MCMDC2: variants seen among roughly 807,000 people sequenced by gnomAD.
MCMDC2 encodes minichromosome maintenance domain-containing protein 2.
Under a neutral mutation model 75.8 loss-of-function variants are expected in MCMDC2, and 54 were observed. The ratio of observed to expected loss-of-function variants is 0.71; its 90% CI spans 0.57 to 0.89. The LOEUF (loss-of-function observed/expected upper bound fraction) is 0.89. Ranked by LOEUF, MCMDC2 falls within the 40% of genes least tolerant of loss-of-function variation. The pLI is 0.00. For synonymous variants in MCMDC2, 249 were observed against 274.6 expected (o/e 0.91, Z 0.92); for missense variants, 656 against 780.4 (o/e 0.84, Z 1.90).
chr8:66,907,862 T>A (rs1028917956), intron 14 of MCMDC2, among the ~76,000 whole-genome samples: 1 of 151,954 alleles, frequency 6.6e-6, no homozygotes, highest in African/African-American at 2.4e-5. Flanking sequence ...GTTGGCTGCA[T>A]AAATGTCTTT....
chr8:66,904,128 A>G (rs1812812444), intron 13 of MCMDC2, among the ~76,000 whole-genome samples: 2 of 152,186 alleles, frequency 1.3e-5, no homozygotes, highest in African/African-American at 4.8e-5. Flanking sequence ...TAGAATATAT[A>G]TCAAGAGCAA....
rs374611966 is a variant in MCMDC2 at position 66,909,879 on chromosome 8, C to T, written c.1879+4544C>T. On this transcript the variant is annotated intron_variant, in intron 14 of 14. Transcript: ENST00000422365. ...CATGTCAGAGGTCTTCACAGCAGCC[C>T]CTCCCCTCATAGTCCCAGAGGCCTA... Among the ~76,000 whole-genome samples the T allele has an allele frequency of 2.6e-5, 4 of 152,156 alleles. No individual in the cohort carries two copies. In the South Asian group the frequency reaches 6.2e-4, roughly 24 times the overall value.
intron 7 of MCMDC2, among the ~76,000 whole-genome samples, chr8:66,879,308 G>C (rs1445752425): frequency 6.6e-6 from 1 of 151,836 alleles, no homozygotes; most frequent in East Asian, 1.9e-4. Flanking sequence ...TAAATGAAAA[G>C]CTGGCCAGGC....
downstream of MCMDC2, among the ~76,000 whole-genome samples, chr8:66,924,511 T>G (rs1213203047): frequency 1.3e-5 from 2 of 151,512 alleles, no homozygotes; most frequent in Non-Finnish European, 2.9e-5. Flanking sequence ...GGCAGGCGCC[T>G]GTAATCCCAG....
At chr8:66,890,771 G>A in intron 9 of MCMDC2, 94 bp from the exon 10 acceptor site, 1 of 1,015,808 alleles carries the variant, frequency 9.8e-7, no homozygotes, top group Non-Finnish European at 1.5e-6. Flanking sequence ...GTGTATCACA[G>A]GTGCTCAGTA....
chr8:66,889,183 C>G (rs559465583), intron 9 of MCMDC2, among the ~76,000 whole-genome samples: 3 of 152,216 alleles, frequency 2.0e-5, no homozygotes, highest in Non-Finnish European at 2.9e-5. Flanking sequence ...TATGTCTACT[C>G]ATCATAGGTG....
At chr8:66,899,976 A>C (rs1000604903) in intron 12 of MCMDC2, among the ~76,000 whole-genome samples, 1 of 150,284 alleles carries the variant, frequency 6.7e-6, no homozygotes, top group African/African-American at 2.5e-5. Context: ...AAAAAAAAAC[A>C]AAAGAAAAAA....
chr8:66,902,598 GC>G (rs1812715613), intron 13 of MCMDC2, among the ~76,000 whole-genome samples: 1 of 148,802 alleles, frequency 6.7e-6, no homozygotes, highest in African/African-American at 2.5e-5. Flanking sequence ...TGAGGCTGAG[GC>G]AGGAGAATCA....
chr8:66,922,249 A>C, downstream of MCMDC2: 1 of 221,966 alleles, frequency 4.5e-6, no homozygotes, highest in East Asian at 1.2e-4. Context: ...TTCAACAAGA[A>C]TCTGCCCCCA....
chr8:66,876,003 T>C (rs187208056), intron 4 of MCMDC2, among the ~76,000 whole-genome samples: 187 of 152,304 alleles, frequency 1.2e-3, no homozygotes, highest in African/African-American at 4.4e-3. Context: ...ATGTATTACA[T>C]ATTGTGCTAT....
At position 66,901,248 on chromosome 8, in the gene MCMDC2, G is replaced by A; in HGVS notation, c.1669G>A (p.Glu557Lys). ...GAATTTGAATGTAGAATTCAGCTTG[G>A]AAGCAGAAAGAATGACCCATGGCTA... ...AKNLNVEFSL[E>K]AERMTHGYYL... The change falls in exon 13 of 15, where the codon GAA (glutamate) becomes AAA (lysine). Residue 557 changes from glutamate to lysine, a missense_variant. Physicochemically the swap from Glu to Lys is moderately conservative, Grantham distance 56. Transcript: ENST00000422365. 3 of 1,614,006 alleles carry A rather than the reference G, an allele frequency of 1.9e-6. No individual in the cohort carries two copies. The highest frequency in any genetic ancestry group is 2.5e-6 in the Non-Finnish European group (3 of 1,179,972).
In MCMDC2 at chr8:66,896,234, A is replaced by G; in HGVS notation, c.1344A>G (p.Gln448=). 1 of 1,612,756 alleles carries G rather than the reference A, an allele frequency of 6.2e-7. No homozygotes were observed. Among genetic ancestry groups the G allele is most frequent in the Middle Eastern group, 1.7e-4 (1 of 6,058 alleles). ...AGAAGTTTGGGGAGGATATTGATCA[A>G]CAGATGACTTTTCCAGTTCAGTGCA... is the stretch of plus-strand genomic sequence containing the variant. ...PGKKFGEDID[Q]QMTFPVQCSF... is the part of the protein sequence containing the mutation. Residue 448 remains glutamine (Q), a synonymous_variant, in exon 11 of 15, where the codon CAA becomes CAG. Transcript: ENST00000422365.
chr8:66,891,148 A>C (rs1483927844), intron 10 of MCMDC2, 78 bp downstream of exon 10: 3 of 1,236,316 alleles, frequency 2.4e-6, no homozygotes, highest in Non-Finnish European at 3.4e-6. Context: ...AACAGTTAAG[A>C]TAGTATTGCA....
chr8:66,911,653 G>T (rs1375731774), intron 14 of MCMDC2, among the ~76,000 whole-genome samples: 1 of 151,920 alleles, frequency 6.6e-6, no homozygotes, highest in Non-Finnish European at 1.5e-5. Flanking sequence ...ATGAAACCCT[G>T]TCTCTACTAA....
intron 11 of MCMDC2, 93 bp from the exon 12 acceptor site, chr8:66,896,687 A>G (rs187157991): frequency 1.1e-6 from 1 of 883,078 alleles, no homozygotes; most frequent in Non-Finnish European, 1.6e-6. Flanking sequence ...TTTAATAATA[A>G]CAACATATAA....
intron 8 of MCMDC2, among the ~76,000 whole-genome samples, chr8:66,882,132 A>T (rs1382152087): frequency 1.3e-5 from 2 of 152,214 alleles, no homozygotes; most frequent in Non-Finnish European, 2.9e-5. Context: ...CCCAGGAATT[A>T]GATAGGGAAA....
Position 66,919,236 on chromosome 8 carries a change from T to C in MCMDC2, c.*67T>C. Reference sequence around the variant, plus strand: ...AGAAAAAGTGTGACTATTTTGAGAGTGACTTTGAAGTAATGCTTTGATAAT... The same window carrying C: ...AGAAAAAGTGTGACTATTTTGAGAGCGACTTTGAAGTAATGCTTTGATAAT... On this transcript the variant is annotated 3_prime_UTR_variant, in exon 15 of 15. Coordinates refer to ENST00000422365, the MANE Select transcript of MCMDC2 (RefSeq NM_173518.5). 7.7e-7 allele frequency: 1 copy of C among 1,295,210 alleles called. No homozygotes were observed. The highest frequency in any genetic ancestry group is 1.1e-6 in the Non-Finnish European group (1 of 945,836). The allele number at this position is 1,295,210 out of a possible 1,614,324, so 80.2% of individuals were successfully genotyped here.
intron 14 of MCMDC2, among the ~76,000 whole-genome samples, chr8:66,912,965 A>T (rs898138986): frequency 3.3e-5 from 5 of 152,152 alleles, no homozygotes; most frequent in African/African-American, 1.2e-4. Context: ...ATGACCAAAA[A>T]AAAAAACCAA....
Position 66,886,706 on chromosome 8 carries a change from T to G in MCMDC2, c.1073+2712T>G, listed in dbSNP as rs538876656. 4.0e-5 allele frequency among the ~76,000 whole-genome samples: 6 copies of G among 149,638 alleles called. No homozygotes were observed. In the Admixed American group the frequency reaches 4.0e-4, roughly 10 times the overall value. On this transcript the variant is annotated intron_variant, in intron 9 of 14. Transcript: ENST00000422365. ...ACGAGAACTGCTTGAACCCAGGAGGTGGAGGTTGCAGTGAGTCGAGATAGT... is the reference window on the plus strand; with the variant it reads ...ACGAGAACTGCTTGAACCCAGGAGGGGGAGGTTGCAGTGAGTCGAGATAGT...
Sources: gnomAD v4.1 joint callset for allele counts (sites outside exome capture counted in the v4.1 genomes callset) on GRCh38, gnomAD v4.1.1 for gene constraint, MANE v1.5 for transcripts, NCBI Gene and HGNC (gene_info 2026-07-23, HGNC 2026-07-21) for gene names.